Variants in NCAM2 observed in about 807,000 individuals in gnomAD.
NCAM2 encodes N-CAM-2.
A neutral mutation model predicts 98.1 loss-of-function variants in NCAM2; 30 were observed. The observed-to-expected ratio is 0.31, with a 90% CI of 0.23 to 0.41. The LOEUF is 0.41. Among genes scored for constraint, NCAM2 ranks in the 10% least tolerant of loss-of-function variants. NCAM2 has a pLI of 1.00. For synonymous variants in NCAM2, 368 were observed against 342.4 expected, an observed-to-expected ratio of 1.07 and a Z score of -0.83; for missense variants, 867 against 1,005.8, an observed-to-expected ratio of 0.86 and a Z score of 1.87.
chr21:21,017,424 C>CAAAAAAAAAAA (rs11461275), intron 1 of NCAM2, among the ~76,000 whole-genome samples: 67 of 58,734 alleles, frequency 1.1e-3, no homozygotes, highest in East Asian at 1.9e-3. Context: ...GACTCTGTCT[C>CAAAAAAAAAAA]AAAAAAAAAA....
intron 2 of NCAM2, among the ~76,000 whole-genome samples, chr21:21,283,296 C>T (rs2072990754): frequency 6.6e-6 from 1 of 151,924 alleles, no homozygotes; most frequent in Non-Finnish European, 1.5e-5. Flanking sequence ...TGTTAGTTGA[C>T]TTCATGCATT....
chr21:21,082,206 C>T (rs1220330172), intron 1 of NCAM2, among the ~76,000 whole-genome samples: 3 of 124,428 alleles, frequency 2.4e-5, no homozygotes, highest in South Asian at 2.6e-4. Context: ...CCAGCCTGGG[C>T]GACAGAGTGA....
intron 9 of NCAM2, among the ~76,000 whole-genome samples, chr21:21,387,187 T>TACACACACACACAC (rs61585220): frequency 2.8e-4 from 34 of 121,314 alleles, no homozygotes; most frequent in East Asian, 5.6e-4. Context: ...CACACACACA[T>TACACACACACACAC]ACACACACAC....
intron 1 of NCAM2, among the ~76,000 whole-genome samples, chr21:21,027,184 T>C (rs2064568252): frequency 6.6e-6 from 1 of 152,220 alleles, no homozygotes; most frequent in Admixed American, 6.5e-5. Flanking sequence ...TGAGTTATAA[T>C]TTTTTAATTG....
At chr21:21,479,583 C>CAAAAAAA (rs1156588500) in intron 15 of NCAM2, among the ~76,000 whole-genome samples, 357 of 30,958 alleles carry the variant, frequency 0.012, 27 homozygotes, top group Non-Finnish European at 0.017. Context: ...GACTGCGTCT[C>CAAAAAAA]AAAAAAAAAA....
chr21:21,398,181 A>G (rs2076554995), intron 9 of NCAM2, among the ~76,000 whole-genome samples: 1 of 152,228 alleles, frequency 6.6e-6, no homozygotes, highest in South Asian at 2.1e-4. Flanking sequence ...CAAACATCAA[A>G]TGTTCATACT....
At chr21:21,051,171 G>T (rs963043242) in intron 1 of NCAM2, among the ~76,000 whole-genome samples, 1 of 152,070 alleles carries the variant, frequency 6.6e-6, no homozygotes, top group Non-Finnish European at 1.5e-5. Context: ...CCTTTTTATG[G>T]TTTTTTTCAC....
intron 9 of NCAM2, among the ~76,000 whole-genome samples, chr21:21,384,491 G>A (rs1034894311): frequency 3.3e-5 from 5 of 151,636 alleles, no homozygotes; most frequent in African/African-American, 1.2e-4. Flanking sequence ...CACAATTAAA[G>A]TTACTCATGA....
At chr21:21,537,803 TA>T in intron 17 of NCAM2, 42 bp from the exon 18 acceptor site, 1 of 1,094,522 alleles carries the variant, frequency 9.1e-7, no homozygotes, top group South Asian at 1.4e-5. Flanking sequence ...TACGTCTCCT[TA>T]AATACCTCAG....
At chr21:21,075,117 C>T (rs1001810566) in intron 1 of NCAM2, among the ~76,000 whole-genome samples, 1 of 152,092 alleles carries the variant, frequency 6.6e-6, no homozygotes, top group Admixed American at 6.5e-5. Context: ...TGTTCTCACT[C>T]ATAAGTGGGA....
intron 1 of NCAM2, among the ~76,000 whole-genome samples, chr21:21,265,517 A>C (rs935222751): frequency 2.8e-5 from 2 of 71,356 alleles, no homozygotes; most frequent in Non-Finnish European, 6.9e-5. Flanking sequence ...GTATATATAC[A>C]CATACACACA....
At chr21:21,337,769 G>A (rs1165063617) in intron 7 of NCAM2, among the ~76,000 whole-genome samples, 1 of 151,790 alleles carries the variant, frequency 6.6e-6, no homozygotes, top group African/African-American at 2.4e-5. Flanking sequence ...ACGTTGTCTA[G>A]TATATTGTTA....
intron 1 of NCAM2, among the ~76,000 whole-genome samples, chr21:21,094,387 A>C (rs2066074739): frequency 6.6e-6 from 1 of 151,852 alleles, no homozygotes; most frequent in South Asian, 2.1e-4. Context: ...ATGCCCTAAA[A>C]CATCCTTCAA....
chr21:21,125,533 AAAAT>A (rs371084384), intron 1 of NCAM2, among the ~76,000 whole-genome samples: 220 of 12,522 alleles, frequency 0.018, no homozygotes, highest in East Asian at 0.078. Flanking sequence ...TGTAATATAT[AAAAT>A]ATATATTACA....
chr21:21,172,256 A>G (rs1423728323), intron 1 of NCAM2, among the ~76,000 whole-genome samples: 1 of 152,132 alleles, frequency 6.6e-6, no homozygotes, highest in Admixed American at 6.5e-5. Context: ...AAATTTTAAA[A>G]AAGTTTTTAG....
chr21:21,206,141 T>C (rs1197559518), intron 1 of NCAM2, among the ~76,000 whole-genome samples: 3 of 152,170 alleles, frequency 2.0e-5, no homozygotes, highest in Admixed American at 6.6e-5. Context: ...ATTAAGTGAA[T>C]GAAGAGTATT....
intron 16 of NCAM2, among the ~76,000 whole-genome samples, chr21:21,514,786 G>A (rs546007323): frequency 6.6e-6 from 1 of 152,114 alleles, no homozygotes; most frequent in Non-Finnish European, 1.5e-5. Context: ...TGCCATGGTT[G>A]TGACATCTCA....
chr21:21,048,724 A>G (rs983784145), intron 1 of NCAM2, among the ~76,000 whole-genome samples: 9 of 152,198 alleles, frequency 5.9e-5, no homozygotes, highest in East Asian at 1.9e-4. Flanking sequence ...CTGTACTCCA[A>G]CCACCTGGGG....
intron 1 of NCAM2, among the ~76,000 whole-genome samples, chr21:21,155,616 T>C (rs2067586981): frequency 6.6e-6 from 1 of 151,878 alleles, no homozygotes; most frequent in South Asian, 2.1e-4. Context: ...TAACATTGGC[T>C]TTAGTATATG....
Sources: allele counts gnomAD v4.1 joint callset (sites outside exome capture counted in the v4.1 genomes callset), GRCh38; gene constraint gnomAD v4.1.1; transcripts MANE v1.5; gene names NCBI Gene and HGNC (gene_info 2026-07-23, HGNC 2026-07-21).